The following SLC24A2 variants were observed in gnomAD, a reference collection of about 807,000 sequenced individuals.
SLC24A2 encodes the protein sodium/potassium/calcium exchanger 2.
Under a neutral mutation model 62.0 loss-of-function variants are expected in SLC24A2, and 36 were observed. That is an observed-to-expected ratio of 0.58 (90% CI 0.44 to 0.77). The LOEUF (loss-of-function observed/expected upper bound fraction) is 0.77, where lower values mean the gene tolerates loss of function less well. Among genes scored for constraint, SLC24A2 ranks in the 30% least tolerant of loss-of-function variants. The probability of loss-of-function intolerance (pLI) is 0.00; values close to 1 mark genes in which losing one functional copy is unlikely to be tolerated. For synonymous variants in SLC24A2, 358 were observed against 294.0 expected (o/e 1.22, Z -2.23); for missense variants, 846 against 817.9 (o/e 1.03, Z -0.42).
At chr9:19,769,543 GAGGTA>G (rs1822621501) in intron 2 of SLC24A2, among the ~76,000 whole-genome samples, 2 of 152,206 alleles carry the variant, frequency 1.3e-5, no homozygotes, top group Non-Finnish European at 2.9e-5. Flanking sequence ...CAGACACCAT[GAGGTA>G]AAGTGTTGTG....
At chr9:20,096,473 T>C in the SLC24A2 span, among the ~76,000 whole-genome samples, 1 of 152,148 alleles carries the variant, frequency 6.6e-6, no homozygotes, top group East Asian at 1.9e-4. Context: ...TTCTTTTTAC[T>C]TTTCTGTATG....
At chr9:19,751,381 A>G (rs11794285) in intron 2 of SLC24A2, among the ~76,000 whole-genome samples, 27,292 of 152,102 alleles carry the variant, frequency 0.18, 2,869 homozygotes, top group Non-Finnish European at 0.24. Context: ...AATCACCTAC[A>G]AAGTAGAAGC....
At chr9:19,997,228 T>C in the SLC24A2 span, among the ~76,000 whole-genome samples, 1 of 152,082 alleles carries the variant, frequency 6.6e-6, no homozygotes, top group African/African-American at 2.4e-5. Context: ...AGATTTGCAA[T>C]AATCAGACTA....
At chr9:20,214,984 G>T in the SLC24A2 span, among the ~76,000 whole-genome samples, 2 of 152,172 alleles carry the variant, frequency 1.3e-5, no homozygotes, top group Non-Finnish European at 2.9e-5. Flanking sequence ...TCTACCTAAT[G>T]CATATATCTG....
At chr9:19,813,876 C>T in the SLC24A2 span, among the ~76,000 whole-genome samples, 1 of 151,988 alleles carries the variant, frequency 6.6e-6, no homozygotes, top group Admixed American at 6.6e-5. Context: ...TGGAAATGGG[C>T]CCTCATCAGA....
At chr9:19,690,392 G>C (rs1444199873) in intron 2 of SLC24A2, among the ~76,000 whole-genome samples, 1 of 152,088 alleles carries the variant, frequency 6.6e-6, no homozygotes, top group Non-Finnish European at 1.5e-5. Context: ...GCAGGGACTG[G>C]TAAGAAGCTG....
At chr9:19,690,007 G>A (rs966240943) in intron 2 of SLC24A2, among the ~76,000 whole-genome samples, 1 of 152,080 alleles carries the variant, frequency 6.6e-6, no homozygotes, top group Non-Finnish European at 1.5e-5. Flanking sequence ...ACTGCCCTCA[G>A]TGCTCCAATT....
At chr9:20,009,879 G>C in the SLC24A2 span, among the ~76,000 whole-genome samples, 14 of 152,242 alleles carry the variant, frequency 9.2e-5, no homozygotes, top group East Asian at 5.8e-4. Flanking sequence ...TATCTGTGGA[G>C]CAGAGCCTGT....
chr9:19,674,552 CA>C (rs1280353430), intron 2 of SLC24A2, among the ~76,000 whole-genome samples: 2 of 152,112 alleles, frequency 1.3e-5, no homozygotes, highest in Non-Finnish European at 2.9e-5. Flanking sequence ...AGGCTTTGTT[CA>C]TTTTTTTAAA....
At chr9:19,709,057 A>C (rs985980870) in intron 2 of SLC24A2, among the ~76,000 whole-genome samples, 3 of 152,236 alleles carry the variant, frequency 2.0e-5, no homozygotes, top group African/African-American at 7.2e-5. Flanking sequence ...ACAAATTTAC[A>C]AGAAAAAAAC....
chr9:20,164,537 G>C, the SLC24A2 span, among the ~76,000 whole-genome samples: 1 of 149,930 alleles, frequency 6.7e-6, no homozygotes, highest in Admixed American at 6.6e-5. Context: ...CTGTTGGTGG[G>C]ACTGTAAACT....
intron 4 of SLC24A2, among the ~76,000 whole-genome samples, chr9:19,615,263 T>C (rs931660957): frequency 6.6e-6 from 1 of 152,222 alleles, no homozygotes; most frequent in African/African-American, 2.4e-5. Flanking sequence ...CAAATGCCAG[T>C]AGTGCCAATG....
chr9:20,191,577 G>A, the SLC24A2 span, among the ~76,000 whole-genome samples: 263 of 151,656 alleles, frequency 1.7e-3, no homozygotes, highest in Non-Finnish European at 3.1e-3. Flanking sequence ...TACATTCTCT[G>A]GCATATATCT....
At chr9:19,876,503 G>C in the SLC24A2 span, among the ~76,000 whole-genome samples, 1 of 151,674 alleles carries the variant, frequency 6.6e-6, no homozygotes, top group Non-Finnish European at 1.5e-5. Flanking sequence ...CCTTCTTCTG[G>C]TTAAGTCAGA....
chr9:20,281,157 T>A, the SLC24A2 span, among the ~76,000 whole-genome samples: 536 of 152,246 alleles, frequency 3.5e-3, 8 homozygotes, highest in Admixed American at 0.034. Context: ...CTCGAACTCC[T>A]GGGCTCAAGC....
At chr9:20,236,407 T>C in the SLC24A2 span, among the ~76,000 whole-genome samples, 1 of 152,198 alleles carries the variant, frequency 6.6e-6, no homozygotes, top group Non-Finnish European at 1.5e-5. Context: ...CCAAGAATTG[T>C]TGTGTGAGTG....
chr9:19,511,276 A>T lies in SLC24A2; in HGVS notation c.*4877T>A, dbSNP rs1176147631. ...AAAAATATGAAGCTCTGAGATTAAA[A>T]ATGAAACGCAAAGACAGAGGCAGAG... On this transcript the variant is annotated 3_prime_UTR_variant, in exon 11 of 11. Transcript: ENST00000341998. 1 of 152,158 alleles carries T rather than the reference A, an allele frequency of 6.6e-6. No individual in the cohort carries two copies. The highest frequency in any genetic ancestry group is 1.5e-5 in the Non-Finnish European group (1 of 68,024). The allele number at this position is 152,158 out of a possible 1,614,324, so 9.4% of individuals were successfully genotyped here.
the SLC24A2 span, among the ~76,000 whole-genome samples, chr9:20,164,528 T>C: frequency 6.7e-6 from 1 of 150,366 alleles, no homozygotes; most frequent in Non-Finnish European, 1.5e-5. Flanking sequence ...ACTTTTACAC[T>C]GTTGGTGGGA....
chr9:20,076,177 C>T, the SLC24A2 span, among the ~76,000 whole-genome samples: 5 of 151,984 alleles, frequency 3.3e-5, no homozygotes, highest in Non-Finnish European at 5.9e-5. Flanking sequence ...GGCTACATGA[C>T]ACATAAAAAT....
Sources: gnomAD v4.1 joint callset for allele counts (sites outside exome capture counted in the v4.1 genomes callset) on GRCh38, gnomAD v4.1.1 for gene constraint, MANE v1.5 for transcripts, NCBI Gene and HGNC (gene_info 2026-07-23, HGNC 2026-07-21) for gene names.